MYRIP: variants seen among roughly 807,000 people sequenced by gnomAD.
The protein encoded by MYRIP is myosin VIIA and Rab interacting protein.
Under a neutral mutation model 98.0 loss-of-function variants are expected in MYRIP, and 49 were observed. That is an observed-to-expected ratio of 0.50 (90% confidence interval 0.40 to 0.63). The LOEUF is 0.63. Among genes scored for constraint, MYRIP ranks in the 30% least tolerant of loss-of-function variants. The probability of loss-of-function intolerance (pLI) is 0.00; values close to 1 mark genes in which losing one functional copy is unlikely to be tolerated. For missense variants in MYRIP, 1,004 were observed against 1,058.2 expected (o/e 0.95, Z 0.71); for synonymous variants, 404 against 409.5 (o/e 0.99, Z 0.16).
intron 1 of MYRIP, 121 bp from the exon 2 acceptor site, chr3:39,900,666 G>T: frequency 2.0e-6 from 1 of 511,384 alleles, no homozygotes. Flanking sequence ...TCAAGAGAAA[G>T]ATACTACCTT....
intron 2 of MYRIP, among the ~76,000 whole-genome samples, chr3:39,960,981 C>G: frequency 6.6e-6 from 1 of 152,104 alleles, no homozygotes; most frequent in East Asian, 1.9e-4. Flanking sequence ...TAATGTCATG[C>G]CGAATGGAAT....
intron 12 of MYRIP, chr3:40,238,655 C>A (rs1397379501): frequency 3.3e-5 from 5 of 151,898 alleles, no homozygotes; most frequent in Non-Finnish European, 1.5e-5. Flanking sequence ...TGTGTGGCTT[C>A]TGTAATGGGG....
intron 3 of MYRIP, among the ~76,000 whole-genome samples, chr3:40,099,287 C>G (rs1559400146): frequency 6.6e-6 from 1 of 152,146 alleles, no homozygotes; most frequent in Non-Finnish European, 1.5e-5. Flanking sequence ...AAATGCTATG[C>G]TTATTAATAA....
intron 2 of MYRIP, among the ~76,000 whole-genome samples, chr3:39,937,385 TCAA>T (rs1361572356): frequency 6.6e-6 from 1 of 152,190 alleles, no homozygotes; most frequent in Non-Finnish European, 1.5e-5. Flanking sequence ...GCTGAAGGGA[TCAA>T]CAAATTTTGG....
At chr3:40,016,781 C>T (rs1266725069) in intron 2 of MYRIP, among the ~76,000 whole-genome samples, 3 of 152,182 alleles carry the variant, frequency 2.0e-5, no homozygotes, top group Non-Finnish European at 4.4e-5. Context: ...GTCTTATTAA[C>T]GTACACAAAG....
chr3:40,065,476 C>G (rs996053438), intron 3 of MYRIP, among the ~76,000 whole-genome samples: 2 of 152,110 alleles, frequency 1.3e-5, no homozygotes, highest in Non-Finnish European at 2.9e-5. Context: ...ATACTTGCCA[C>G]TCATCAGTGG....
rs79920199 is a variant in MYRIP, at chr3:40,249,524, A to G, written c.2263-698A>G. ...ACACTTAGCATGGTTCCTGGCACATAATAATGCCCTTTTCTAAGAGCAGGG... is the reference window on the plus strand; with the variant it reads ...ACACTTAGCATGGTTCCTGGCACATGATAATGCCCTTTTCTAAGAGCAGGG... On this transcript the variant is annotated intron_variant, in intron 13 of 16. Coordinates refer to ENST00000302541, the MANE Select transcript of MYRIP (RefSeq NM_015460.4). Among the ~76,000 whole-genome samples the G allele has an allele frequency of 6.2e-3, 942 of 152,332 alleles. 14 individuals carry two copies. The highest frequency in any genetic ancestry group is 0.015 in the African/African-American group (606 of 41,578).
At chr3:40,157,001 A>G (rs1179858717) in intron 4 of MYRIP, among the ~76,000 whole-genome samples, 2,444 of 150,984 alleles carry the variant, frequency 0.016, 78 homozygotes, top group African/African-American at 0.058. Context: ...TCTCCTGGCT[A>G]ATTGCTCTGG....
At chr3:39,914,038 G>A (rs910944780) in intron 2 of MYRIP, among the ~76,000 whole-genome samples, 36 of 152,180 alleles carry the variant, frequency 2.4e-4, no homozygotes, top group African/African-American at 8.4e-4. Flanking sequence ...CAGATGAGAT[G>A]CTGCATGGTT....
intron 16 of MYRIP, among the ~76,000 whole-genome samples, chr3:40,256,839 T>A (rs561437950): frequency 1.3e-5 from 2 of 152,246 alleles, no homozygotes; most frequent in South Asian, 4.1e-4. Flanking sequence ...AACTAAAAGA[T>A]TCATGTTGTG....
At chr3:39,809,398 C>T (rs903307805), upstream of MYRIP, among the ~76,000 whole-genome samples, 1 of 149,002 alleles carries the variant, frequency 6.7e-6, no homozygotes, top group African/African-American at 2.4e-5. Flanking sequence ...TGCGCCCCGC[C>T]CCTCCCGGCG....
chr3:39,914,501 T>G lies in MYRIP; in HGVS notation c.110+13575T>G, dbSNP rs567302406. ...ACAGACAAAACACTAGCCAATAATA[T>G]AGTCAAAAAAAGCTGCTCTAAATAC... On this transcript the variant is annotated intron_variant, in intron 2 of 16. Transcript: ENST00000302541. Among the ~76,000 whole-genome samples the G allele has an allele frequency of 1.4e-3, 218 of 152,194 alleles. 1 individual carries two copies. Among genetic ancestry groups the G allele is most frequent in the African/African-American group, 5.1e-3 (210 of 41,554 alleles).
intron 2 of MYRIP, among the ~76,000 whole-genome samples, chr3:39,994,226 GA>G (rs1946273293): frequency 1.3e-5 from 2 of 152,254 alleles, no homozygotes. Context: ...AGCATGAGCC[GA>G]AGCAGGGCGA....
chr3:40,066,885 T>C (rs1277519109), intron 3 of MYRIP, among the ~76,000 whole-genome samples: 2 of 152,180 alleles, frequency 1.3e-5, no homozygotes, highest in African/African-American at 4.8e-5. Context: ...AATGAAAATA[T>C]GTGAATGAGT....
At chr3:39,916,814 T>A (rs1223640621) in intron 2 of MYRIP, among the ~76,000 whole-genome samples, 1 of 152,086 alleles carries the variant, frequency 6.6e-6, no homozygotes, top group Non-Finnish European at 1.5e-5. Context: ...AAACCGGCCA[T>A]AAATGATAGC....
At chr3:40,027,264 G>A (rs1179463698) in intron 2 of MYRIP, among the ~76,000 whole-genome samples, 3 of 152,020 alleles carry the variant, frequency 2.0e-5, no homozygotes, top group African/African-American at 7.2e-5. Context: ...ACTCTCCAAT[G>A]ACTCCTGCCC....
chr3:40,218,619 TATATA>T (rs1952212878), intron 11 of MYRIP, among the ~76,000 whole-genome samples: 6 of 17,560 alleles, frequency 3.4e-4, no homozygotes, highest in Middle Eastern at 0.059. Context: ...ATTTTATATA[TATATA>T]TATATATATA....
intron 2 of MYRIP, among the ~76,000 whole-genome samples, chr3:39,948,439 G>C (rs1394765409): frequency 6.6e-6 from 1 of 152,084 alleles, no homozygotes; most frequent in Non-Finnish European, 1.5e-5. Flanking sequence ...AATACTTGCT[G>C]AGTTAAAGAA....
intron 3 of MYRIP, among the ~76,000 whole-genome samples, chr3:40,137,146 TAAA>T (rs1553617560): frequency 2.0e-5 from 3 of 151,788 alleles, no homozygotes; most frequent in Non-Finnish European, 4.4e-5. Context: ...GCAAGACTAA[TAAA>T]GAAGAAAAGA....
Sources: gnomAD v4.1 joint callset for allele counts (sites outside exome capture counted in the v4.1 genomes callset) on GRCh38, gnomAD v4.1.1 for gene constraint, MANE v1.5 for transcripts, NCBI Gene and HGNC (gene_info 2026-07-23, HGNC 2026-07-21) for gene names.